The following TUSC3 variants were observed in gnomAD, a reference collection of about 807,000 sequenced individuals.
TUSC3 encodes the protein tumor suppressor candidate 3, also known as dolichyl-diphosphooligosaccharide--protein glycosyltransferase subunit TUSC3.
TUSC3 carries 45 observed loss-of-function variants against 44.8 expected under a neutral mutation model. The ratio of observed to expected loss-of-function variants is 1.00; its 90% confidence interval spans 0.79 to 1.29. The LOEUF (loss-of-function observed/expected upper bound fraction) is 1.29, where lower values mean the gene tolerates loss of function less well. Ranked by LOEUF, TUSC3 falls within the 50% of genes most tolerant of loss-of-function variation. The pLI is 0.00. For synonymous variants in TUSC3, 212 were observed against 152.9 expected (o/e 1.39, Z -2.85); for missense variants, 519 against 437.9 (o/e 1.19, Z -1.65).
intron 1 of TUSC3, among the ~76,000 whole-genome samples, chr8:15,446,751 GA>G (rs1242086182): frequency 1.1e-5 from 1 of 91,486 alleles, no homozygotes; most frequent in East Asian, 3.6e-4. Flanking sequence ...AGGGAGGGGG[GA>G]GGGGGAGGGA....
At chr8:15,555,629 T>A (rs1226738789) in intron 1 of TUSC3, among the ~76,000 whole-genome samples, 2 of 151,666 alleles carry the variant, frequency 1.3e-5, no homozygotes, top group African/African-American at 4.8e-5. Context: ...TTCATTTCTC[T>A]CATATTTTAC....
At chr8:15,828,614 G>C in the TUSC3 span, among the ~76,000 whole-genome samples, 16,114 of 152,196 alleles carry the variant, frequency 0.11, 967 homozygotes, top group East Asian at 0.25. Context: ...ATTGCTTTTG[G>C]ATCAAGAAAG....
chr8:15,649,976 C>T (rs1806816159), intron 2 of TUSC3, among the ~76,000 whole-genome samples: 1 of 152,116 alleles, frequency 6.6e-6, no homozygotes, highest in Non-Finnish European at 1.5e-5. Flanking sequence ...TTACATCCTC[C>T]TATAAATGCC....
chr8:15,479,777 C>G (rs1017946847), intron 1 of TUSC3, among the ~76,000 whole-genome samples: 16 of 152,010 alleles, frequency 1.1e-4, no homozygotes, highest in African/African-American at 3.9e-4. Context: ...TCTTTTTCAA[C>G]ATAGTTTTGG....
chr8:15,482,062 A>G (rs1300684312), intron 1 of TUSC3, among the ~76,000 whole-genome samples: 7 of 152,222 alleles, frequency 4.6e-5, no homozygotes, highest in African/African-American at 7.2e-5. Context: ...CATCTCAACA[A>G]TGTTCATAGC....
At chr8:15,495,079 G>A (rs1438934476) in intron 2 of TUSC3, among the ~76,000 whole-genome samples, 1 of 152,144 alleles carries the variant, frequency 6.6e-6, no homozygotes, top group African/African-American at 2.4e-5. Context: ...GCAAAATACA[G>A]GATCTCATTC....
chr8:15,543,305 G>A (rs1585085453), intron 1 of TUSC3, among the ~76,000 whole-genome samples: 1 of 152,152 alleles, frequency 6.6e-6, no homozygotes, highest in African/African-American at 2.4e-5. Flanking sequence ...CTTCCTTCTA[G>A]AGGGGAAGCC....
intron 1 of TUSC3, among the ~76,000 whole-genome samples, chr8:15,459,992 A>G (rs1223267877): frequency 6.6e-6 from 1 of 152,170 alleles, no homozygotes; most frequent in Non-Finnish European, 1.5e-5. Flanking sequence ...GTGCAGCTAT[A>G]AACATGCATG....
At chr8:15,597,699 G>A (rs1804127719) in intron 1 of TUSC3, among the ~76,000 whole-genome samples, 1 of 152,040 alleles carries the variant, frequency 6.6e-6, no homozygotes, top group African/African-American at 2.4e-5. Context: ...ACCTTCATGA[G>A]TTTGTTCTTT....
At chr8:15,546,988 AAGAT>A (rs1412428896) in intron 1 of TUSC3, among the ~76,000 whole-genome samples, 1 of 151,784 alleles carries the variant, frequency 6.6e-6, no homozygotes, top group Non-Finnish European at 1.5e-5. Flanking sequence ...ATAAAAGTCT[AAGAT>A]AGAATAGCAT....
At chr8:15,530,118 A>C (rs902382387) in intron 2 of TUSC3, among the ~76,000 whole-genome samples, 2 of 151,912 alleles carry the variant, frequency 1.3e-5, no homozygotes, top group African/African-American at 4.8e-5. Flanking sequence ...ATTACATCAT[A>C]TACAGTACCT....
intron 1 of TUSC3, among the ~76,000 whole-genome samples, chr8:15,555,259 G>A (rs1348781248): frequency 8.8e-6 from 1 of 113,462 alleles, no homozygotes. Flanking sequence ...TGGTTCATGT[G>A]CCACCATGCC....
the TUSC3 span, among the ~76,000 whole-genome samples, chr8:15,782,451 C>A: frequency 6.6e-6 from 1 of 152,066 alleles, no homozygotes; most frequent in Non-Finnish European, 1.5e-5. Context: ...TGCACTCGAG[C>A]CTTGGTGACA....
At chr8:15,680,967 G>C (rs1162534920) in intron 6 of TUSC3, among the ~76,000 whole-genome samples, 1 of 152,026 alleles carries the variant, frequency 6.6e-6, no homozygotes. Flanking sequence ...TGAATGTGCT[G>C]TTGGATTCAA....
At chr8:15,527,791 A>G (rs922373893) in intron 2 of TUSC3, among the ~76,000 whole-genome samples, 3 of 152,204 alleles carry the variant, frequency 2.0e-5, no homozygotes, top group African/African-American at 7.2e-5. Context: ...CTGATTATCA[A>G]TAGACAAAAT....
intron 1 of TUSC3, among the ~76,000 whole-genome samples, chr8:15,449,015 C>T (rs954357104): frequency 1.3e-5 from 2 of 152,178 alleles, no homozygotes; most frequent in Non-Finnish European, 1.5e-5. Context: ...CAGGCCTTCA[C>T]ATTCATTTAC....
intron 1 of TUSC3, among the ~76,000 whole-genome samples, chr8:15,434,567 C>A (rs1799920429): frequency 7.0e-6 from 1 of 143,424 alleles, no homozygotes. Context: ...TTTTAGGGTA[C>A]CTGTGCACAA....
chr8:15,523,692 G>GTATATATATATA (rs1366898185), intron 2 of TUSC3, among the ~76,000 whole-genome samples: 6 of 48,436 alleles, frequency 1.2e-4, no homozygotes, highest in African/African-American at 4.3e-4. Context: ...GTGTGTGTGT[G>GTATATATATATA]TGTGTGTGTG....
At chr8:15,510,153 C>T (rs901196014) in intron 2 of TUSC3, among the ~76,000 whole-genome samples, 1 of 152,058 alleles carries the variant, frequency 6.6e-6, no homozygotes, top group African/African-American at 2.4e-5. Flanking sequence ...GATCTAAAAT[C>T]AGTGCCTTTA....
Sources: gnomAD v4.1 joint callset for allele counts (sites outside exome capture counted in the v4.1 genomes callset) on GRCh38, gnomAD v4.1.1 for gene constraint, MANE v1.5 for transcripts, NCBI Gene and HGNC (gene_info 2026-07-23, HGNC 2026-07-21) for gene names.